Variants in MSR1 observed in about 807,000 individuals in gnomAD.
MSR1 encodes the protein macrophage scavenger receptor 1, also known as macrophage scavenger receptor types I and II.
A neutral mutation model predicts 47.2 loss-of-function variants in MSR1; 53 were observed. The ratio of observed to expected loss-of-function variants is 1.12; its 90% confidence interval spans 0.90 to 1.41. The LOEUF (loss-of-function observed/expected upper bound fraction) is 1.41. Ranked by LOEUF, MSR1 falls within the 40% of genes most tolerant of loss-of-function variation. MSR1 has a pLI of 0.00. For missense variants in MSR1, 786 were observed against 546.9 expected (o/e 1.44, Z -4.36); for synonymous variants, 239 against 185.6 (o/e 1.29, Z -2.34).
intron 9 of MSR1, among the ~76,000 whole-genome samples, chr8:16,119,046 A>T (rs1181915661): frequency 1.3e-5 from 2 of 152,094 alleles, no homozygotes; most frequent in Non-Finnish European, 2.9e-5. Context: ...TGTTTCTTCT[A>T]TGTAAACCTT....
intron 8 of MSR1, 64 bp from the exon 9 acceptor site, chr8:16,120,670 T>C: frequency 1.3e-6 from 2 of 1,497,822 alleles, no homozygotes; most frequent in South Asian, 1.3e-5. Flanking sequence ...ATGTACATAC[T>C]GCTTTACAGC....
At chr8:16,181,126 A>T (rs533544965) in intron 1 of MSR1, among the ~76,000 whole-genome samples, 6 of 152,186 alleles carry the variant, frequency 3.9e-5, no homozygotes, top group Non-Finnish European at 5.9e-5. Flanking sequence ...CCAAATAATT[A>T]AAAAAAACTG....
At chr8:16,137,516 A>C (rs2117097581) in intron 8 of MSR1, among the ~76,000 whole-genome samples, 1 of 152,182 alleles carries the variant, frequency 6.6e-6, no homozygotes, top group South Asian at 2.1e-4. Context: ...GATATATATA[A>C]AAATACATAA....
rs755975741 is a variant in MSR1 at position 16,150,301 on chromosome 8, A to T, written c.909T>A (p.Gly303=). The T allele has an allele frequency of 1.3e-6, 2 of 1,567,082 alleles. No homozygotes were observed. Among genetic ancestry groups the T allele is most frequent in the South Asian group, 1.2e-5 (1 of 84,440 alleles). ...CAATTGCTCCCCGATCACCTTTAAG[A>T]CCCGGAGGACCTACATTATTAACGA... ...RGFPGPIGPP[G]LKGDRGAIGF... The change falls in exon 7 of 10, where the codon GGT becomes GGA. Residue 303 remains glycine (G), a synonymous_variant. Coordinates refer to ENST00000262101, the MANE Select transcript of MSR1 (RefSeq NM_138715.3).
Position 16,129,199 on chromosome 8 carries a change from G to A in MSR1, c.1034-8593C>T, listed in dbSNP as rs192725466. Among the ~76,000 whole-genome samples, 11 of 152,172 alleles carry A rather than the reference G, an allele frequency of 7.2e-5. No homozygotes were observed. The South Asian group carries it at 8.3e-4, about 11-fold the overall frequency. On this transcript the variant is annotated intron_variant, in intron 8 of 9. Coordinates refer to ENST00000262101, the MANE Select transcript of MSR1 (RefSeq NM_138715.3). ...ATAAAAATGCAGAATTATATAAAAC[G>A]TCATTAGGAAATGGGTCATTTTGCT...
intron 8 of MSR1, among the ~76,000 whole-genome samples, chr8:16,131,691 T>C (rs1265926720): frequency 6.6e-6 from 1 of 152,066 alleles, no homozygotes; most frequent in Admixed American, 6.6e-5. Flanking sequence ...GTTTCAGTCT[T>C]CTGCATATGG....
intron 2 of MSR1, among the ~76,000 whole-genome samples, chr8:16,177,116 C>G (rs1258228827): frequency 6.6e-6 from 1 of 152,084 alleles, no homozygotes; most frequent in Middle Eastern, 3.2e-3. Context: ...GTTGTCGTAA[C>G]CTGTGCAAAC....
chr8:16,126,466 T>TA (rs955769815), intron 8 of MSR1, among the ~76,000 whole-genome samples: 4 of 151,638 alleles, frequency 2.6e-5, no homozygotes, highest in African/African-American at 9.7e-5. Flanking sequence ...ATACAGAAAT[T>TA]AAAAAAAAAT....
chr8:16,118,630 G>A (rs1799929870), intron 9 of MSR1, among the ~76,000 whole-genome samples: 1 of 151,872 alleles, frequency 6.6e-6, no homozygotes, highest in African/African-American at 2.4e-5. Context: ...AGTAAGCCGA[G>A]ATTACACCCC....
chr8:16,141,070 T>G, intron 8 of MSR1: 1 of 1,610,830 alleles, frequency 6.2e-7, no homozygotes, highest in South Asian at 1.1e-5. Flanking sequence ...AAGGAGGAAA[T>G]TAATTATTTT....
intron 6 of MSR1, among the ~76,000 whole-genome samples, chr8:16,150,851 A>AACACACACACACACAC (rs3036816): frequency 1.4e-5 from 2 of 142,044 alleles, no homozygotes; most frequent in African/African-American, 5.4e-5. Flanking sequence ...CATAAACATA[A>AACACACACACACACAC]ACACACACAC....
chr8:16,136,454 T>C (rs1249386188), intron 8 of MSR1, among the ~76,000 whole-genome samples: 1 of 152,140 alleles, frequency 6.6e-6, no homozygotes, highest in Admixed American at 6.6e-5. Context: ...AACTATTATA[T>C]GCACTGGGAA....
At chr8:16,147,425 T>C (rs1028278908) in intron 7 of MSR1, among the ~76,000 whole-genome samples, 47 of 152,028 alleles carry the variant, frequency 3.1e-4, no homozygotes, top group African/African-American at 1.1e-3. Context: ...AGAAAATAGA[T>C]GGAGGATGTT....
intron 9 of MSR1, among the ~76,000 whole-genome samples, chr8:16,118,076 G>C (rs182538685): frequency 6.6e-6 from 1 of 152,012 alleles, no homozygotes; most frequent in African/African-American, 2.4e-5. Flanking sequence ...CATAATATAA[G>C]CATCAAAATA....
chr8:16,147,377 C>T (rs1800729673), intron 7 of MSR1, among the ~76,000 whole-genome samples: 2 of 151,976 alleles, frequency 1.3e-5, no homozygotes, highest in South Asian at 4.2e-4. Context: ...AAGGAAAGGG[C>T]AAGGTGAGAA....
At chr8:16,185,347 T>C (rs2117232349) in intron 1 of MSR1, among the ~76,000 whole-genome samples, 1 of 152,304 alleles carries the variant, frequency 6.6e-6, no homozygotes, top group Non-Finnish European at 1.5e-5. Flanking sequence ...CAGCATCAGC[T>C]TTTGTTTTAC....
chr8:16,150,162 A>ATG (rs1563153582), intron 7 of MSR1, 69 bp downstream of exon 7: 3 of 277,824 alleles, frequency 1.1e-5, no homozygotes, highest in African/African-American at 7.2e-5. Flanking sequence ...ATATATATAT[A>ATG]TATATATATA....
intron 3 of MSR1, among the ~76,000 whole-genome samples, chr8:16,174,459 G>A (rs905200152): frequency 8.5e-5 from 13 of 152,054 alleles, no homozygotes; most frequent in African/African-American, 2.4e-4. Flanking sequence ...AAGTGCTTAC[G>A]GTGTATACAA....
At position 16,125,113 on chromosome 8, in the gene MSR1, C is replaced by A. The variant is rs17122464; in HGVS notation, c.1034-4507G>T. Among the ~76,000 whole-genome samples the A allele has an allele frequency of 6.8e-3, 1,037 of 152,212 alleles. 10 individuals are homozygous for A. The highest frequency in any genetic ancestry group is 0.024 in the African/African-American group (990 of 41,534). ...TGGTGGGAGGCTCTGATCAGAGAAG[C>A]CTGAGACATTAGAAAATCTGATCTT... is the stretch of plus-strand genomic sequence containing the variant. On this transcript the variant is annotated intron_variant, in intron 8 of 9. Transcript: ENST00000262101.
Sources: gnomAD v4.1 joint callset for allele counts (sites outside exome capture counted in the v4.1 genomes callset) on GRCh38, gnomAD v4.1.1 for gene constraint, MANE v1.5 for transcripts, NCBI Gene and HGNC (gene_info 2026-07-23, HGNC 2026-07-21) for gene names.